Variants in ZNF365 observed in about 807,000 individuals in gnomAD.
ZNF365 encodes zinc finger protein 365.
ZNF365 carries 22 observed loss-of-function variants against 35.0 expected under a neutral mutation model. The ratio of observed to expected loss-of-function variants is 0.63; its 90% CI spans 0.45 to 0.90. ZNF365 has a LOEUF of 0.90. Among genes scored for constraint, ZNF365 ranks in the 40% least tolerant of loss-of-function variants. ZNF365 has a pLI of 0.00. For synonymous variants in ZNF365, 188 were observed against 196.2 expected (o/e 0.96, Z 0.35); for missense variants, 448 against 500.3 (o/e 0.90, Z 1.00).
chr10:62,397,703 G>A (rs1189078827), intron 3 of ZNF365, among the ~76,000 whole-genome samples: 1 of 152,092 alleles, frequency 6.6e-6, no homozygotes, highest in East Asian at 1.9e-4. Flanking sequence ...ACAGCCTCAG[G>A]GACATTTGTG....
intron 3 of ZNF365, among the ~76,000 whole-genome samples, chr10:62,410,547 T>C (rs921039230): frequency 1.3e-5 from 2 of 152,104 alleles, no homozygotes; most frequent in Non-Finnish European, 2.9e-5. Flanking sequence ...CACCTGTGTG[T>C]GTAGTTCCCC....
chr10:62,426,149 T>C (rs10995154), intron 3 of ZNF365, among the ~76,000 whole-genome samples: 84,168 of 151,962 alleles, frequency 0.55, 24,599 homozygotes, highest in East Asian at 0.77. Flanking sequence ...GCCTACTAGA[T>C]TGATGATGTC....
At chr10:62,462,094 A>G (rs1246657610) in intron 4 of ZNF365, among the ~76,000 whole-genome samples, 2 of 152,106 alleles carry the variant, frequency 1.3e-5, no homozygotes, top group African/African-American at 2.4e-5. Context: ...AGTACTTTGT[A>G]TAGGGCTGGA....
intron 4 of ZNF365, among the ~76,000 whole-genome samples, chr10:62,470,990 A>C (rs1211075429): frequency 6.8e-6 from 1 of 146,414 alleles, no homozygotes; most frequent in Admixed American, 6.9e-5. Flanking sequence ...TTGTTCATGC[A>C]TTTTTTTTTT....
chr10:62,431,235 C>G (rs1380547338), intron 3 of ZNF365, among the ~76,000 whole-genome samples: 1 of 152,146 alleles, frequency 6.6e-6, no homozygotes, highest in Non-Finnish European at 1.5e-5. Flanking sequence ...CTCTTTCTTC[C>G]TACTTAAGAA....
At chr10:62,441,336 T>G (rs1331254406) in intron 3 of ZNF365, among the ~76,000 whole-genome samples, 1 of 152,178 alleles carries the variant, frequency 6.6e-6, no homozygotes, top group Non-Finnish European at 1.5e-5. Flanking sequence ...CTTCTTTGAC[T>G]TTTTGCATCG....
intron 3 of ZNF365, among the ~76,000 whole-genome samples, chr10:62,433,491 A>T (rs539763104): frequency 1.3e-5 from 2 of 152,346 alleles, no homozygotes; most frequent in African/African-American, 4.8e-5. Flanking sequence ...GATGGACTGC[A>T]TTAGTGAAAA....
chr10:62,410,159 C>T (rs12779590), intron 3 of ZNF365, among the ~76,000 whole-genome samples: 81,446 of 151,886 alleles, frequency 0.54, 23,044 homozygotes, highest in East Asian at 0.69. Context: ...ACGGGACTGC[C>T]TTGTTGGTTT....
intron 4 of ZNF365, among the ~76,000 whole-genome samples, chr10:62,478,375 C>T (rs1841166413): frequency 6.6e-6 from 1 of 152,174 alleles, no homozygotes; most frequent in South Asian, 2.1e-4. Context: ...TGGTTCTATT[C>T]CCTGGGCATA....
chr10:62,404,125 T>C (rs551935162), downstream of ZNF365, among the ~76,000 whole-genome samples: 2 of 88,650 alleles, frequency 2.3e-5, no homozygotes, highest in African/African-American at 6.7e-5. Context: ...TATTCCAGGA[T>C]GGAAGAGTTT....
chr10:62,451,813 C>T (rs916865387), intron 3 of ZNF365, among the ~76,000 whole-genome samples: 1 of 152,204 alleles, frequency 6.6e-6, no homozygotes, highest in Non-Finnish European at 1.5e-5. Context: ...GACGCCACAG[C>T]CTCCTCAGAG....
chr10:62,399,893 G>A lies in ZNF365; in HGVS notation c.*104G>A. The A allele has an allele frequency of 2.1e-6, 3 of 1,453,624 alleles. No individual in the cohort carries two copies. Among genetic ancestry groups the A allele is most frequent in the Non-Finnish European group, 2.7e-6 (3 of 1,102,156 alleles). 90.0% of individuals were successfully genotyped at this position (1,453,624 alleles called of 1,614,324 possible). A position where few individuals can be genotyped will look rare whatever the true frequency, so the allele number is the denominator to read the frequency against. On this transcript the variant is annotated 3_prime_UTR_variant, in exon 5 of 5. Coordinates refer to ENST00000395254, the MANE Select transcript of ZNF365 (RefSeq NM_014951.3). ...GAAACATTCCATAGTAAGACACATT[G>A]GAAAAGCCAAGGGCATAACACAGGC... is the stretch of plus-strand genomic sequence containing the variant.
intron 3 of ZNF365, among the ~76,000 whole-genome samples, chr10:62,389,439 G>GTTTT (rs59551708): frequency 1.3e-5 from 2 of 148,370 alleles, no homozygotes; most frequent in Admixed American, 6.7e-5. Context: ...AAATAGTTTT[G>GTTTT]TTTTTTTTTT....
intron 3 of ZNF365, among the ~76,000 whole-genome samples, chr10:62,451,419 C>T (rs1247616069): frequency 2.0e-5 from 3 of 151,992 alleles, no homozygotes; most frequent in Non-Finnish European, 4.4e-5. Flanking sequence ...AAGCTTGGCT[C>T]TCACTCTTCC....
chr10:62,395,564 C>T (rs1415931401), intron 3 of ZNF365, among the ~76,000 whole-genome samples: 1 of 145,410 alleles, frequency 6.9e-6, no homozygotes, highest in African/African-American at 2.6e-5. Flanking sequence ...ACCATATGGG[C>T]CAGGCTGGTC....
intron 2 of ZNF365, among the ~76,000 whole-genome samples, chr10:62,385,071 C>T (rs1053141656): frequency 1.3e-5 from 2 of 152,212 alleles, no homozygotes; most frequent in Non-Finnish European, 2.9e-5. Flanking sequence ...AGATACCCTA[C>T]ACAATCTCAG....
In ZNF365 at chr10:62,418,734, T is replaced by C. The variant is rs925141605; in HGVS notation, c.924+30158T>C. Among the ~76,000 whole-genome samples the C allele has an allele frequency of 2.6e-5, 4 of 152,202 alleles. No individual in the cohort carries two copies. The South Asian group carries it at 8.3e-4, about 32-fold the overall frequency. On this transcript the variant is annotated intron_variant, in intron 3 of 4. Transcript: ENST00000395255. ...ATCTTGGTATTGGCTCTGTCTTCAG[T>C]AAGAATAGTAGCTCTTCTCTCCCTA...
At chr10:62,379,645 C>T (rs1219676288) in intron 2 of ZNF365, among the ~76,000 whole-genome samples, 2 of 152,070 alleles carry the variant, frequency 1.3e-5, no homozygotes, top group Non-Finnish European at 2.9e-5. Context: ...TCCCCACCCC[C>T]GCACCCCTGC....
intron 3 of ZNF365, among the ~76,000 whole-genome samples, chr10:62,389,581 C>T (rs1839590760): frequency 6.6e-6 from 1 of 151,992 alleles, no homozygotes; most frequent in Admixed American, 6.6e-5. Context: ...TTCTGGAAGC[C>T]AGGGTGAAAA....
Sources: allele counts gnomAD v4.1 joint callset (sites outside exome capture counted in the v4.1 genomes callset), GRCh38; gene constraint gnomAD v4.1.1; transcripts MANE v1.5; gene names NCBI Gene and HGNC (gene_info 2026-07-23, HGNC 2026-07-21).